THEMIS: variants seen among roughly 807,000 people sequenced by gnomAD.
The protein encoded by THEMIS is thymocyte selection associated, also known as protein THEMIS.
In THEMIS, 37 loss-of-function variants were observed where a neutral mutation model predicts 52.6. That is an observed-to-expected ratio of 0.70 (90% CI 0.54 to 0.93). The LOEUF (loss-of-function observed/expected upper bound fraction) is 0.93. Ranked by LOEUF, THEMIS falls within the 40% of genes least tolerant of loss-of-function variation. THEMIS has a pLI of 0.00. For missense variants in THEMIS, 808 were observed against 763.1 expected (o/e 1.06, Z -0.69); for synonymous variants, 292 against 272.7 (o/e 1.07, Z -0.70).
chr6:127,771,991 A>T (rs921131202), intron 4 of THEMIS, among the ~76,000 whole-genome samples: 1 of 152,058 alleles, frequency 6.6e-6, no homozygotes, highest in African/African-American at 2.4e-5. Context: ...TTGTTTTGTA[A>T]CTTGCTTTTT....
intron 4 of THEMIS, among the ~76,000 whole-genome samples, chr6:127,812,095 G>A (rs183931446): frequency 3.3e-5 from 5 of 152,218 alleles, no homozygotes; most frequent in Admixed American, 1.3e-4. Flanking sequence ...AGACCAGAAT[G>A]CACTCCTTCC....
upstream of THEMIS, among the ~76,000 whole-genome samples, chr6:127,901,266 C>T (rs1230207878): frequency 6.6e-6 from 1 of 152,022 alleles, no homozygotes; most frequent in East Asian, 1.9e-4. Context: ...CTTTGTTAAT[C>T]CAGGTGTGCA....
chr6:127,838,951 G>A (rs1219759970), intron 2 of THEMIS, among the ~76,000 whole-genome samples: 1 of 152,040 alleles, frequency 6.6e-6, no homozygotes, highest in African/African-American at 2.4e-5. Context: ...TTGATTTTCT[G>A]TAAGCAACAT....
At chr6:127,845,462 A>T (rs1779181638) in intron 2 of THEMIS, among the ~76,000 whole-genome samples, 1 of 151,868 alleles carries the variant, frequency 6.6e-6, no homozygotes, top group Non-Finnish European at 1.5e-5. Context: ...TTGTATTCCC[A>T]TTCTCTCCTC....
chr6:127,848,476 T>C (rs1219214165), intron 2 of THEMIS, among the ~76,000 whole-genome samples: 1 of 151,980 alleles, frequency 6.6e-6, no homozygotes, highest in Non-Finnish European at 1.5e-5. Context: ...TATTTCTAGT[T>C]CTAGATCCCT....
intron 1 of THEMIS, 93 bp downstream of exon 1, chr6:127,900,749 C>A: frequency 9.5e-7 from 1 of 1,053,984 alleles, no homozygotes; most frequent in Non-Finnish European, 1.5e-6. Flanking sequence ...CCAGAACTCA[C>A]ATATTTGCTG....
chr6:127,881,551 C>T (rs1051619621), intron 1 of THEMIS, among the ~76,000 whole-genome samples: 1 of 151,830 alleles, frequency 6.6e-6, no homozygotes, highest in East Asian at 1.9e-4. Flanking sequence ...TAAGTATGAA[C>T]ACTCTATTAT....
rs77791073 is a variant in THEMIS, at chr6:127,730,366, C to A, written c.1759-10543G>T. On this transcript the variant is annotated intron_variant, in intron 4 of 5. Coordinates refer to ENST00000368248, the MANE Select transcript of THEMIS (RefSeq NM_001010923.3). ...GAAGAGAAGAGAAGAAAAGAGAAGA[C>A]AAGAGAAGAGAAAGAGAAAGAAAGA... Among the ~76,000 whole-genome samples the A allele has an allele frequency of 8.5e-3, 871 of 102,882 alleles. 10 individuals carry two copies. Among genetic ancestry groups the A allele is most frequent in the African/African-American group, 0.028 (824 of 29,220 alleles). The allele number at this position is 102,882 out of a possible 152,430, so 67.5% of individuals were successfully genotyped here. A position where few individuals can be genotyped will look rare whatever the true frequency, so the allele number is the denominator to read the frequency against.
At chr6:127,901,217 T>C (rs75260027), upstream of THEMIS, 497 of 464,756 alleles carry the variant, frequency 1.1e-3, 4 homozygotes, top group African/African-American at 9.2e-3. Context: ...GAACAGACAC[T>C]GCCCAAAAAA....
chr6:127,832,738 A>G (rs1185283147), intron 2 of THEMIS, among the ~76,000 whole-genome samples: 1 of 150,476 alleles, frequency 6.6e-6, no homozygotes, highest in Non-Finnish European at 1.5e-5. Flanking sequence ...AAGTTAACAC[A>G]TGAAAATAGA....
intron 3 of THEMIS, among the ~76,000 whole-genome samples, chr6:127,824,536 T>C (rs1205773637): frequency 1.3e-5 from 2 of 151,742 alleles, no homozygotes; most frequent in African/African-American, 2.4e-5. Flanking sequence ...AATATGAACA[T>C]ATTACAAGTA....
intron 2 of THEMIS, among the ~76,000 whole-genome samples, chr6:127,853,653 C>T (rs1339983245): frequency 6.6e-6 from 1 of 151,598 alleles, no homozygotes; most frequent in African/African-American, 2.4e-5. Flanking sequence ...CCCTAAAAAG[C>T]TTTTCCTGAC....
chr6:127,698,072 G>T, the THEMIS span, among the ~76,000 whole-genome samples: 1 of 151,956 alleles, frequency 6.6e-6, no homozygotes, highest in Non-Finnish European at 1.5e-5. Flanking sequence ...TAATTACATA[G>T]ATTTTGTGAG....
At chr6:127,849,322 A>C (rs1053558025) in intron 2 of THEMIS, among the ~76,000 whole-genome samples, 5 of 151,974 alleles carry the variant, frequency 3.3e-5, no homozygotes, top group African/African-American at 1.2e-4. Context: ...TGTTTTGGTT[A>C]CTGTAGCCTT....
At chr6:127,699,231 A>G in the THEMIS span, among the ~76,000 whole-genome samples, 1 of 151,600 alleles carries the variant, frequency 6.6e-6, no homozygotes, top group Admixed American at 6.6e-5. Flanking sequence ...ATCACAGTAA[A>G]TCTGTCTACT....
At chr6:127,766,585 CAT>C (rs1776208383) in intron 4 of THEMIS, among the ~76,000 whole-genome samples, 1 of 152,142 alleles carries the variant, frequency 6.6e-6, no homozygotes, top group Non-Finnish European at 1.5e-5. Context: ...CTTACAGAAA[CAT>C]AGATGGTACA....
chr6:127,714,586 T>G (rs1309904739), intron 5 of THEMIS, among the ~76,000 whole-genome samples: 6 of 151,894 alleles, frequency 4.0e-5, no homozygotes, highest in Admixed American at 3.3e-4. Flanking sequence ...AAGCGATATT[T>G]TAAAGCACAA....
chr6:127,870,025 G>T (rs974047138), intron 1 of THEMIS, among the ~76,000 whole-genome samples: 12 of 152,150 alleles, frequency 7.9e-5, no homozygotes, highest in African/African-American at 2.9e-4. Flanking sequence ...AAAGAGCTGG[G>T]TCTTACATCT....
intron 3 of THEMIS, 77 bp downstream of exon 3, chr6:127,829,399 T>C: frequency 1.7e-6 from 2 of 1,206,892 alleles, no homozygotes; most frequent in South Asian, 1.5e-5. Context: ...ACTCCCATTC[T>C]TCAGGCTCTA....
Sources: allele counts gnomAD v4.1 joint callset (sites outside exome capture counted in the v4.1 genomes callset), GRCh38; gene constraint gnomAD v4.1.1; transcripts MANE v1.5; gene names NCBI Gene and HGNC (gene_info 2026-07-23, HGNC 2026-07-21).